The following THAP12 variants were observed in gnomAD, a reference collection of about 807,000 sequenced individuals.
THAP12 encodes the protein 52 kDa repressor of the inhibitor of the protein kinase.
THAP12 carries 20 observed loss-of-function variants against 63.0 expected under a neutral mutation model. That is an observed-to-expected ratio of 0.32 (90% CI 0.22 to 0.46). THAP12 has a LOEUF of 0.46. THAP12 is among the 20% of genes least tolerant of loss of function. THAP12 has a pLI of 1.00. For missense variants in THAP12, 568 were observed against 908.2 expected (o/e 0.63, Z 4.81); for synonymous variants, 264 against 328.4 (o/e 0.80, Z 2.12).
At chr11:76,366,547 G>A (rs1327438296) in intron 1 of THAP12, among the ~76,000 whole-genome samples, 3 of 152,128 alleles carry the variant, frequency 2.0e-5, no homozygotes, top group Non-Finnish European at 2.9e-5. Flanking sequence ...TGGGCGAAGC[G>A]GCGAGCGCCT....
intron 4 of THAP12, 70 bp downstream of exon 4, chr11:76,355,547 TA>T: frequency 7.3e-7 from 1 of 1,362,500 alleles, no homozygotes; most frequent in Non-Finnish European, 1.0e-6. Context: ...AGAACATATT[TA>T]TTTGTCCTTA....
rs1054360471 is a variant in THAP12 at position 76,376,632 on chromosome 11, T to G, written c.89+4116A>C. Among the ~76,000 whole-genome samples, 6 of 151,088 alleles carry G rather than the reference T, an allele frequency of 4.0e-5. 1 individual carries two copies. Among genetic ancestry groups the G allele is most frequent in the South Asian group, 2.1e-4 (1 of 4,784 alleles). ...GTGTCTATGTTTTTTTTGTTTTTTTTTTTTTTTCAGGTAAGAGTCCTTATG... is the reference window on the plus strand; with the variant it reads ...GTGTCTATGTTTTTTTTGTTTTTTTGTTTTTTTCAGGTAAGAGTCCTTATG... On this transcript the variant is annotated intron_variant, in intron 1 of 4. Transcript: ENST00000260045.
chr11:76,378,191 G>A (rs1396632838), intron 1 of THAP12, among the ~76,000 whole-genome samples: 1 of 152,318 alleles, frequency 6.6e-6, no homozygotes, highest in African/African-American at 2.4e-5. Flanking sequence ...GGCCAAGGCG[G>A]GCAGATCACC....
chr11:76,354,474 T>G (rs891190127), intron 4 of THAP12, among the ~76,000 whole-genome samples: 1 of 152,224 alleles, frequency 6.6e-6, no homozygotes, highest in African/African-American at 2.4e-5. Flanking sequence ...AGAAGTTCAT[T>G]AAAGAGCAAA....
chr11:76,362,761 AT>A (rs1946606100), intron 2 of THAP12, among the ~76,000 whole-genome samples: 1 of 152,274 alleles, frequency 6.6e-6, no homozygotes, highest in Non-Finnish European at 1.5e-5. Flanking sequence ...TAAAAGTCAA[AT>A]CAAATTGATT....
intron 4 of THAP12, among the ~76,000 whole-genome samples, chr11:76,355,316 T>G (rs1377608618): frequency 2.0e-5 from 3 of 152,238 alleles, no homozygotes; most frequent in African/African-American, 7.2e-5. Flanking sequence ...CCTCTACTGT[T>G]GCCCTTCCTT....
At chr11:76,358,639 T>C (rs1159984888) in intron 3 of THAP12, 1 of 150,238 alleles carries the variant, frequency 6.7e-6, no homozygotes, top group Non-Finnish European at 1.5e-5. Context: ...ACTCCATCTA[T>C]AAAAAAAAAT....
At chr11:76,368,446 A>G (rs555226644) in intron 1 of THAP12, 2 of 152,360 alleles carry the variant, frequency 1.3e-5, no homozygotes, top group South Asian at 2.1e-4. Flanking sequence ...AAGAAATGAC[A>G]AATTATTCTA....
chr11:76,362,763 CAAATT>C (rs1263952912), intron 2 of THAP12, among the ~76,000 whole-genome samples: 2 of 152,034 alleles, frequency 1.3e-5, no homozygotes, highest in African/African-American at 4.8e-5. Flanking sequence ...AAAGTCAAAT[CAAATT>C]GATTTTCTAT....
chr11:76,375,123 A>G (rs1361556006), intron 1 of THAP12, among the ~76,000 whole-genome samples: 2 of 152,226 alleles, frequency 1.3e-5, no homozygotes, highest in Admixed American at 1.3e-4. Flanking sequence ...ACTGTTTTAC[A>G]TTTCACAAAG....
At chr11:76,353,752 T>C (rs1946542423) in intron 4 of THAP12, among the ~76,000 whole-genome samples, 1 of 152,270 alleles carries the variant, frequency 6.6e-6, no homozygotes, top group Admixed American at 6.5e-5. Flanking sequence ...GGCTTACGCC[T>C]GTAATCCCAG....
chr11:76,361,177 T>A, intron 2 of THAP12, 114 bp from the exon 3 acceptor site: 1 of 660,126 alleles, frequency 1.5e-6, no homozygotes, highest in Non-Finnish European at 2.6e-6. Context: ...CTCTAAAGTA[T>A]AGAGACTTAC....
chr11:76,373,581 G>T (rs766426731), intron 1 of THAP12, among the ~76,000 whole-genome samples: 1 of 151,896 alleles, frequency 6.6e-6, no homozygotes, highest in Admixed American at 6.6e-5. Flanking sequence ...AATTAGCCGG[G>T]GGTTGTGATG....
intron 3 of THAP12, 160 bp from the exon 4 acceptor site, chr11:76,355,814 G>A (rs1590799939): frequency 5.9e-6 from 3 of 512,676 alleles, no homozygotes; most frequent in Non-Finnish European, 9.7e-6. Flanking sequence ...CAAACAAACA[G>A]ACAATGAGAA....
At position 76,351,112 on chromosome 11, in the gene THAP12, A is replaced by G. The variant is rs772185248; in HGVS notation, c.2038T>C (p.Leu680=). 6.2e-7 allele frequency: 1 copy of G among 1,611,300 alleles called. No homozygotes were observed. Among genetic ancestry groups the G allele is most frequent in the Non-Finnish European group, 8.5e-7 (1 of 1,179,646 alleles). ...DIKFFPNVYA[L]LKVLCILPVM... ...GGAAGAATACACAGGACCTTCAGCA[A>G]TGCATACACATTAGGAAAAAACTTG... The change falls in exon 5 of 5, where the codon TTG becomes CTG. Residue 680 remains leucine (L), a synonymous_variant. Coordinates refer to ENST00000260045, the MANE Select transcript of THAP12 (RefSeq NM_004705.4).
chr11:76,350,860 T>A lies in THAP12; in HGVS notation c.*4A>T, dbSNP rs1946521025. On this transcript the variant is annotated 3_prime_UTR_variant, in exon 5 of 5. Transcript: ENST00000260045. ...ATATAAGAAAGCCTATTTTTAAAAG[T>A]CTCTTAGGTATTTTCCACAGTTTCG... 1.3e-6 allele frequency: 2 copies of A among 1,517,208 alleles called. No homozygotes were observed. Among genetic ancestry groups the A allele is most frequent in the Admixed American group, 2.3e-5 (1 of 43,712 alleles). The allele number at this position is 1,517,208 out of a possible 1,614,324, so 94.0% of individuals were successfully genotyped here. A position where few individuals can be genotyped will look rare whatever the true frequency, so the allele number is the denominator to read the frequency against.
rs775039482 is a variant in THAP12, at chr11:76,351,770, A to G, written c.1380T>C (p.Asn460=). The G allele has an allele frequency of 3.1e-6, 5 of 1,613,350 alleles. No homozygotes were observed. In the South Asian group the frequency reaches 5.5e-5, roughly 18 times the overall value. ...GINSDTNIRW[N]NYIAGRAFVL... is the part of the protein sequence containing the mutation. ...CAAATGCTCGGCCAGCTATATAGTT[A>G]TTCCATCTAATATTTGTGTCACTAT... The change falls in exon 5 of 5, where the codon AAT becomes AAC. Residue 460 remains asparagine (N), a synonymous_variant. Coordinates refer to ENST00000260045, the MANE Select transcript of THAP12 (RefSeq NM_004705.4).
At chr11:76,355,955 G>A in intron 3 of THAP12, 1 of 216,826 alleles carries the variant, frequency 4.6e-6, no homozygotes, top group East Asian at 9.6e-5. Flanking sequence ...CTAATGAAAG[G>A]CACAAAAATA....
chr11:76,376,948 G>C (rs951793224), intron 1 of THAP12, among the ~76,000 whole-genome samples: 1 of 152,142 alleles, frequency 6.6e-6, no homozygotes, highest in Non-Finnish European at 1.5e-5. Context: ...GGAAGATAAC[G>C]CATAATGGGG....
Sources: allele counts gnomAD v4.1 joint callset (sites outside exome capture counted in the v4.1 genomes callset), GRCh38; gene constraint gnomAD v4.1.1; transcripts MANE v1.5; gene names NCBI Gene and HGNC (gene_info 2026-07-23, HGNC 2026-07-21).